The following PTPRD variants were observed in gnomAD, a reference collection of about 807,000 sequenced individuals.
PTPRD encodes the protein protein tyrosine phosphatase receptor type D.
A neutral mutation model predicts 214.5 loss-of-function variants in PTPRD; 34 were observed. The ratio of observed to expected loss-of-function variants is 0.16; its 90% CI spans 0.12 to 0.21. The LOEUF is 0.21. Ranked by LOEUF, PTPRD falls within the 10% of genes least tolerant of loss-of-function variation. The pLI, the probability that PTPRD is intolerant of heterozygous loss-of-function variation, is 1.00. For missense variants in PTPRD, 2,545 were observed against 2,398.7 expected (o/e 1.06, Z -1.27); for synonymous variants, 1,128 against 845.7 (o/e 1.33, Z -5.79).
chr9:8,911,646 C>T (rs2098749344), intron 11 of PTPRD, among the ~76,000 whole-genome samples: 1 of 151,898 alleles, frequency 6.6e-6, no homozygotes, highest in South Asian at 2.1e-4. Context: ...AAACATGATC[C>T]ATAAAAATTT....
chr9:9,455,402 T>C (rs1178330773), intron 8 of PTPRD, among the ~76,000 whole-genome samples: 1 of 151,600 alleles, frequency 6.6e-6, no homozygotes, highest in Non-Finnish European at 1.5e-5. Context: ...TTATATACAA[T>C]ATTATATATT....
intron 22 of PTPRD, among the ~76,000 whole-genome samples, chr9:8,505,291 T>G (rs2137305602): frequency 6.6e-6 from 1 of 152,226 alleles, no homozygotes; most frequent in East Asian, 1.9e-4. Flanking sequence ...TAACACTTTA[T>G]CAAATAGTGT....
At chr9:8,978,945 A>G (rs1047790343) in intron 11 of PTPRD, among the ~76,000 whole-genome samples, 1 of 152,136 alleles carries the variant, frequency 6.6e-6, no homozygotes, top group African/African-American at 2.4e-5. Flanking sequence ...AACGACATTC[A>G]TTTGAATCCA....
intron 12 of PTPRD, among the ~76,000 whole-genome samples, chr9:8,699,939 C>G (rs887137460): frequency 6.6e-6 from 1 of 152,080 alleles, no homozygotes; most frequent in Non-Finnish European, 1.5e-5. Context: ...CCATTTTTTT[C>G]TCTGTGTATT....
chr9:10,327,819 T>G (rs1432388463), intron 3 of PTPRD, among the ~76,000 whole-genome samples: 1 of 151,764 alleles, frequency 6.6e-6, no homozygotes, highest in Non-Finnish European at 1.5e-5. Context: ...CCAAACTTTT[T>G]GAGAAGGTCT....
At chr9:9,353,646 T>C (rs2052419428) in intron 9 of PTPRD, among the ~76,000 whole-genome samples, 1 of 151,820 alleles carries the variant, frequency 6.6e-6, no homozygotes, top group Non-Finnish European at 1.5e-5. Context: ...ATCCTGCTTC[T>C]GAAAGTTTTC....
chr9:9,289,426 T>C (rs973263557), intron 9 of PTPRD, among the ~76,000 whole-genome samples: 1 of 151,920 alleles, frequency 6.6e-6, no homozygotes, highest in Non-Finnish European at 1.5e-5. Flanking sequence ...CATTCTGTCA[T>C]GATTTTCATA....
intron 11 of PTPRD, among the ~76,000 whole-genome samples, chr9:8,753,100 G>T (rs748794774): frequency 1.3e-5 from 2 of 152,104 alleles, no homozygotes; most frequent in Non-Finnish European, 2.9e-5. Context: ...AAAATCACTA[G>T]CTTTCAGATC....
At chr9:9,838,805 C>A (rs937113237) in intron 5 of PTPRD, among the ~76,000 whole-genome samples, 51 of 152,102 alleles carry the variant, frequency 3.4e-4, no homozygotes, top group African/African-American at 1.2e-3. Flanking sequence ...CTTTTGTTGC[C>A]ATTGCTTTTG....
intron 11 of PTPRD, among the ~76,000 whole-genome samples, chr9:8,751,093 T>C (rs1436526485): frequency 6.6e-6 from 1 of 152,186 alleles, no homozygotes; most frequent in Non-Finnish European, 1.5e-5. Context: ...CTCTTCCCAA[T>C]TCAGAAAACA....
At position 9,191,593 on chromosome 9, in the gene PTPRD, T is replaced by C. The variant is rs141976815; in HGVS notation, c.-202-8230A>G. On this transcript the variant is annotated intron_variant, in intron 9 of 45. Coordinates refer to ENST00000381196, the MANE Select transcript of PTPRD (RefSeq NM_002839.4). ...CCTATCTAAGTATACTGTCCCAATA[T>C]GACAAACACATTTAACATTATGTCA... is the stretch of plus-strand genomic sequence containing the variant. Among the ~76,000 whole-genome samples, 253 of 152,260 alleles carry C rather than the reference T, an allele frequency of 1.7e-3. 2 individuals carry two copies. The highest frequency in any genetic ancestry group is 5.8e-3 in the African/African-American group (241 of 41,564).
chr9:10,465,563 C>G (rs544931806), intron 2 of PTPRD, among the ~76,000 whole-genome samples: 28 of 152,288 alleles, frequency 1.8e-4, no homozygotes, highest in African/African-American at 6.7e-4. Flanking sequence ...TGAAAAATTT[C>G]TATCACCTGG....
At chr9:9,583,477 C>G (rs7021917) in intron 7 of PTPRD, among the ~76,000 whole-genome samples, 3,494 of 152,094 alleles carry the variant, frequency 0.023, 147 homozygotes, top group African/African-American at 0.079. Flanking sequence ...TCATGAATGA[C>G]ATTGTCATAA....
chr9:9,944,339 TATTC>T (rs1046288323), intron 4 of PTPRD, among the ~76,000 whole-genome samples: 14 of 152,168 alleles, frequency 9.2e-5, no homozygotes, highest in African/African-American at 2.9e-4. Flanking sequence ...ATACAACATT[TATTC>T]ATTATTTCCA....
intron 20 of PTPRD, 144 bp downstream of exon 20, chr9:8,521,133 T>A (rs1592657572): frequency 1.0e-6 from 1 of 986,910 alleles, no homozygotes; most frequent in East Asian, 2.7e-5. Context: ...TGTTATATAA[T>A]ACCACAGATA....
intron 5 of PTPRD, among the ~76,000 whole-genome samples, chr9:9,859,816 C>A (rs981561043): frequency 5.9e-5 from 9 of 152,150 alleles, no homozygotes; most frequent in Admixed American, 5.9e-4. Flanking sequence ...AGCCAGCTGA[C>A]TTTCTCCTTA....
At chr9:9,677,778 C>G (rs1047625891) in intron 7 of PTPRD, among the ~76,000 whole-genome samples, 1 of 151,978 alleles carries the variant, frequency 6.6e-6, no homozygotes, top group Non-Finnish European at 1.5e-5. Flanking sequence ...GAAGTCAAAT[C>G]GTCCCTGTTT....
intron 3 of PTPRD, among the ~76,000 whole-genome samples, chr9:10,080,148 G>A (rs1351347329): frequency 6.6e-6 from 1 of 152,034 alleles, no homozygotes; most frequent in African/African-American, 2.4e-5. Context: ...GATAAGTGAA[G>A]GAAGCTCTCT....
intron 2 of PTPRD, among the ~76,000 whole-genome samples, chr9:10,585,397 T>C (rs62539612): frequency 0.16 from 24,489 of 151,872 alleles, 2,574 homozygotes; most frequent in Non-Finnish European, 0.23. Flanking sequence ...CATTAGGAGA[T>C]AGCCAATTAA....
Sources: allele counts gnomAD v4.1 joint callset (sites outside exome capture counted in the v4.1 genomes callset), GRCh38; gene constraint gnomAD v4.1.1; transcripts MANE v1.5; gene names NCBI Gene and HGNC (gene_info 2026-07-23, HGNC 2026-07-21).